The following TTC34 variants were observed in gnomAD, a reference collection of about 807,000 sequenced individuals.
TTC34 encodes the protein tetratricopeptide repeat protein 34.
Under a neutral mutation model 40.7 loss-of-function variants are expected in TTC34, and 44 were observed. The observed-to-expected ratio is 1.08, with a 90% CI of 0.85 to 1.39. The LOEUF (loss-of-function observed/expected upper bound fraction) is 1.39, where lower values mean the gene tolerates loss of function less well. Among genes scored for constraint, TTC34 ranks in the 40% most tolerant of loss-of-function variants. The pLI is 0.00. For missense variants in TTC34, 884 were observed against 838.0 expected, an observed-to-expected ratio of 1.05 and a Z score of -0.68; for synonymous variants, 422 against 398.6, an observed-to-expected ratio of 1.06 and a Z score of -0.70.
At chr1:2,793,795 GA>G (rs1200822303) in intron 2 of TTC34, among the ~76,000 whole-genome samples, 1 of 152,070 alleles carries the variant, frequency 6.6e-6, no homozygotes, top group African/African-American at 2.4e-5. Context: ...ATCTATTCCT[GA>G]AGTCAATAAA....
intron 6 of TTC34, among the ~76,000 whole-genome samples, chr1:2,767,647 C>G (rs1322541996): frequency 2.0e-5 from 2 of 102,060 alleles, no homozygotes; most frequent in Non-Finnish European, 3.9e-5. Context: ...TCCTCACATC[C>G]AGGTGAGCAT....
intron 6 of TTC34, among the ~76,000 whole-genome samples, chr1:2,698,729 C>A (rs1315010654): frequency 1.4e-5 from 2 of 140,794 alleles, no homozygotes; most frequent in Admixed American, 7.0e-5. Flanking sequence ...CACCAACAAC[C>A]CCAGGCTTGC....
intron 6 of TTC34, among the ~76,000 whole-genome samples, chr1:2,756,896 A>AGCACCAACACACACAG (rs1641525095): frequency 4.6e-5 from 7 of 150,974 alleles, no homozygotes; most frequent in South Asian, 2.1e-4. Flanking sequence ...GGTCTGGAGC[A>AGCACCAACACACACAG]GTACCCACAC....
chr1:2,756,963 G>C, intron 6 of TTC34, among the ~76,000 whole-genome samples: 1 of 152,278 alleles, frequency 6.6e-6, no homozygotes. Flanking sequence ...GTGAGCATCT[G>C]ACAGACTGGA....
intron 3 of TTC34, among the ~76,000 whole-genome samples, chr1:2,789,150 A>G (rs116662217): frequency 0.026 from 3,886 of 152,268 alleles, 167 homozygotes; most frequent in African/African-American, 0.089. Flanking sequence ...GCAGGGGCGC[A>G]GGTCGGGGCG....
chr1:2,753,460 C>A (rs1168731616), intron 6 of TTC34, among the ~76,000 whole-genome samples: 1 of 25,818 alleles, frequency 3.9e-5, no homozygotes, highest in Admixed American at 4.0e-4. Context: ...CCTGCACCCC[C>A]AGGTGTGCAC....
intron 6 of TTC34, among the ~76,000 whole-genome samples, chr1:2,681,892 A>G (rs1456126462): frequency 5.3e-5 from 6 of 114,000 alleles, no homozygotes; most frequent in Non-Finnish European, 7.7e-5. Context: ...ACAGCCTGGA[A>G]CAACAGCCTG....
exon 4 of TTC34, chr1:2,787,520 C>G: frequency 5.3e-6 from 8 of 1,520,614 alleles, no homozygotes; most frequent in Non-Finnish European, 7.1e-6. Flanking sequence ...TCAGCTGCAG[C>G]AGGGCCAGTC....
At chr1:2,695,804 G>C (rs1640835979) in intron 6 of TTC34, among the ~76,000 whole-genome samples, 1 of 152,090 alleles carries the variant, frequency 6.6e-6, no homozygotes. Context: ...ACCCCCAGTT[G>C]AGCATCTGAC....
intron 6 of TTC34, among the ~76,000 whole-genome samples, chr1:2,750,167 C>T (rs1641268339): frequency 1.3e-5 from 2 of 152,130 alleles, no homozygotes; most frequent in African/African-American, 2.4e-5. Context: ...CAAACACCCC[C>T]AGGCGAGCAT....
chr1:2,686,653 C>T (rs1317773108), intron 6 of TTC34, among the ~76,000 whole-genome samples: 3 of 139,742 alleles, frequency 2.1e-5, no homozygotes, highest in Admixed American at 7.1e-5. Flanking sequence ...CCCAGGTGAG[C>T]ATCTGACAGC....
chr1:2,788,501 C>T (rs543493038), intron 3 of TTC34, among the ~76,000 whole-genome samples: 3 of 152,124 alleles, frequency 2.0e-5, no homozygotes, highest in South Asian at 2.1e-4. Flanking sequence ...CCCCACCCCC[C>T]GGACTCAGTG....
At chr1:2,688,328 ACCCCCAGGTGAGCATCG>A (rs1640466401) in intron 6 of TTC34, among the ~76,000 whole-genome samples, 1 of 132,210 alleles carries the variant, frequency 7.6e-6, no homozygotes. Flanking sequence ...AGAACCCCAC[ACCCCCAGGTGAGCATCG>A]GACAGCCTGG....
At chr1:2,752,639 A>ATC (rs1641362215) in intron 6 of TTC34, among the ~76,000 whole-genome samples, 1 of 128,034 alleles carries the variant, frequency 7.8e-6, no homozygotes, top group African/African-American at 3.3e-5. Context: ...GACACCCTGG[A>ATC]ACTGCACACA....
chr1:2,641,189 G>A, exon 9 of TTC34: 2 of 544,680 alleles, frequency 3.7e-6, no homozygotes, highest in South Asian at 6.2e-5. Flanking sequence ...GGAGGGTTGG[G>A]AAGGGGGGTT....
chr1:2,685,349 G>C lies in TTC34; in HGVS notation c.2227-39786C>G, dbSNP rs1214281703. Reference sequence around the variant, plus strand: ...AGCGAGCATCTGACAGCCTGGAACGGCACCCACACCCCTAGGTGAGCATCT... The same window carrying C: ...AGCGAGCATCTGACAGCCTGGAACGCCACCCACACCCCTAGGTGAGCATCT... On this transcript the variant is annotated intron_variant, in intron 6 of 8. Coordinates refer to ENST00000401095, the Ensembl canonical transcript of TTC34. Among the ~76,000 whole-genome samples, 3 of 140,582 alleles carry C rather than the reference G, an allele frequency of 2.1e-5. 1 individual carries two copies. Among genetic ancestry groups the C allele is most frequent in the Admixed American group, 2.1e-4 (3 of 14,158 alleles). 92.2% of individuals were successfully genotyped at this position (140,582 alleles called of 152,430 possible). A position where few individuals can be genotyped will look rare whatever the true frequency, so the allele number is the denominator to read the frequency against.
At chr1:2,755,948 C>T (rs1641490862) in intron 6 of TTC34, among the ~76,000 whole-genome samples, 2 of 79,448 alleles carry the variant, frequency 2.5e-5, no homozygotes. Context: ...CCTGCACCCC[C>T]AGGTGAGGAT....
rs1639004998 is a variant in TTC34 at position 2,645,536 on chromosome 1, G to C, written c.2254C>G (p.Leu752Val). Residue 752 changes from leucine to valine, a missense_variant, in exon 7 of 9, where the codon CTG becomes GTG. By Grantham distance (32) the Leu-to-Val change is conservative. Coordinates refer to ENST00000401095, the Ensembl canonical transcript of TTC34. This position sits in a 1 kb window ranked among gnomAD's most constrained non-coding sequence, Gnocchi z 4.7. ...ACCACAGTCCCGGGGCCGAGCTTCA[G>C]AGCAGAGACGATGTCGTCCACGGCT... 1 of 1,175,872 alleles carries C rather than the reference G, an allele frequency of 8.5e-7. No individual in the cohort carries two copies. The highest frequency in any genetic ancestry group is 3.5e-5 in the Admixed American group (1 of 28,240). The allele number at this position is 1,175,872 out of a possible 1,614,324, so 72.8% of individuals were successfully genotyped here. A position where few individuals can be genotyped will look rare whatever the true frequency, so the allele number is the denominator to read the frequency against.
intron 6 of TTC34, among the ~76,000 whole-genome samples, chr1:2,695,278 C>G (rs1476798494): frequency 9.2e-6 from 1 of 109,012 alleles, no homozygotes; most frequent in Non-Finnish European, 1.9e-5. Flanking sequence ...ACCCACACAC[C>G]CAGGCGAGCA....
Sources: allele counts gnomAD v4.1 joint callset (sites outside exome capture counted in the v4.1 genomes callset), GRCh38; gene constraint gnomAD v4.1.1; non-coding constraint Gnocchi (gnomAD v3.1); transcripts MANE v1.5; gene names NCBI Gene and HGNC (gene_info 2026-07-23, HGNC 2026-07-21).